The following ZFHX3 variants were observed in gnomAD, a reference collection of about 807,000 sequenced individuals.
The protein encoded by ZFHX3 is zinc finger homeobox protein 3.
Under a neutral mutation model 279.1 loss-of-function variants are expected in ZFHX3, and 42 were observed. The ratio of observed to expected loss-of-function variants is 0.15; its 90% CI spans 0.12 to 0.19. ZFHX3 has a LOEUF of 0.19. ZFHX3 is among the 10% of genes least tolerant of loss of function. ZFHX3 has a pLI of 1.00. For missense variants in ZFHX3, 4,981 were observed against 4,754.0 expected, an observed-to-expected ratio of 1.05 and a Z score of -1.40; for synonymous variants, 2,293 against 1,957.8, an observed-to-expected ratio of 1.17 and a Z score of -4.52.
At chr16:73,145,539 T>C (rs1206496515) in intron 5 of ZFHX3, among the ~76,000 whole-genome samples, 2 of 152,202 alleles carry the variant, frequency 1.3e-5, no homozygotes, top group Admixed American at 6.5e-5. Context: ...TGTTTGATTG[T>C]TGATGGAGAG....
intron 3 of ZFHX3, among the ~76,000 whole-genome samples, chr16:72,916,361 A>T (rs1402187489): frequency 1.3e-5 from 2 of 152,230 alleles, no homozygotes; most frequent in East Asian, 3.8e-4. Flanking sequence ...TGTACTTAAA[A>T]ATGTTGGCCC....
chr16:72,852,729 C>T (rs2037649555), intron 4 of ZFHX3, among the ~76,000 whole-genome samples: 1 of 152,138 alleles, frequency 6.6e-6, no homozygotes, highest in South Asian at 2.1e-4. Context: ...TACTTCTGTT[C>T]TCTGTAATGT....
At chr16:73,687,011 A>AATATATATATATATATATATATAT (rs58565282) in intron 1 of ZFHX3, among the ~76,000 whole-genome samples, 1 of 53,230 alleles carries the variant, frequency 1.9e-5, no homozygotes, top group Non-Finnish European at 3.5e-5. Context: ...TTTGCAGCTA[A>AATATATATATATATATATATATAT]ATATATATAT....
intron 3 of ZFHX3, among the ~76,000 whole-genome samples, chr16:73,320,304 G>A (rs989840121): frequency 2.0e-5 from 3 of 152,120 alleles, no homozygotes; most frequent in African/African-American, 7.2e-5. Context: ...CTTGGCTGTA[G>A]AAAACACAAC....
Position 73,869,755 on chromosome 16 carries a change from A to G in ZFHX3, c.-1608+21896T>C, listed in dbSNP as rs150914919. On this transcript the variant is annotated intron_variant, in intron 1 of 17. Coordinates refer to the ZFHX3 transcript ENST00000641206. The stretch of plus-strand genomic sequence containing the variant: ...CTGTGGAGGTAACAGTATTCATGAT[A>G]CATAAGACTTAGAGAGAAACCAAAA... 5.6e-3 allele frequency among the ~76,000 whole-genome samples: 859 copies of G among 152,354 alleles called. 5 individuals are homozygous for G. The highest frequency in any genetic ancestry group is 0.019 in the African/African-American group (797 of 41,584).
chr16:72,795,894 G>A lies in ZFHX3; in HGVS notation c.6788C>T (p.Ala2263Val). Residue 2263 changes from alanine (A) to valine (V), a missense_variant, in exon 9 of 10, where the codon GCC (alanine) becomes GTC (valine). Physicochemically the swap from Ala to Val is moderately conservative, Grantham distance 64. Transcript: ENST00000268489. ...QLRVLQDFFD[A>V]NAYPKDDEFE... ...TTCATCATCCTTTGGGTAAGCATTGGCATCGAAGAAGTCCTGTAAGACCCT... is the reference window on the plus strand; with the variant it reads ...TTCATCATCCTTTGGGTAAGCATTGACATCGAAGAAGTCCTGTAAGACCCT... The A allele has an allele frequency of 6.2e-7, 1 of 1,614,116 alleles. No homozygotes were observed. Among genetic ancestry groups the A allele is most frequent in the Non-Finnish European group, 8.5e-7 (1 of 1,180,010 alleles).
intron 1 of ZFHX3, among the ~76,000 whole-genome samples, chr16:73,689,008 G>A (rs531332568): frequency 6.6e-6 from 1 of 152,224 alleles, no homozygotes. Flanking sequence ...CTGGTCTTGG[G>A]TATGTCTTTA....
At chr16:73,545,917 G>C (rs1028384456) in intron 2 of ZFHX3, among the ~76,000 whole-genome samples, 2 of 152,114 alleles carry the variant, frequency 1.3e-5, no homozygotes, top group East Asian at 3.9e-4. Flanking sequence ...AAGCAGTTCC[G>C]AGTTCCCAGA....
At chr16:73,762,401 T>C (rs952402938) in intron 1 of ZFHX3, among the ~76,000 whole-genome samples, 1 of 152,210 alleles carries the variant, frequency 6.6e-6, no homozygotes, top group African/African-American at 2.4e-5. Context: ...AGTTCAACCA[T>C]TGTGGAAGAC....
rs138336294 is a variant in ZFHX3 at position 73,130,251 on chromosome 16, A to C, written c.-897+717T>G. ...AATTAAAGTGGAAAATTTTTGGTGG[A>C]GGGAAAAAAAAAAACATCAGGGAAA... On this transcript the variant is annotated intron_variant, in intron 7 of 17. Transcript: ENST00000641206. Among the ~76,000 whole-genome samples, 1,012 of 151,792 alleles carry C rather than the reference A, an allele frequency of 6.7e-3. 14 individuals are homozygous for C. The highest frequency in any genetic ancestry group is 0.023 in the African/African-American group (970 of 41,366).
chr16:73,880,879 T>C (rs2030122576), intron 1 of ZFHX3, among the ~76,000 whole-genome samples: 1 of 152,192 alleles, frequency 6.6e-6, no homozygotes, highest in African/African-American at 2.4e-5. Context: ...ACGACATGTC[T>C]CTGCACCCCT....
chr16:73,574,517 A>T (rs1001106422), intron 2 of ZFHX3, among the ~76,000 whole-genome samples: 2 of 152,190 alleles, frequency 1.3e-5, no homozygotes, highest in Admixed American at 6.5e-5. Context: ...AGGTACTTGT[A>T]CATTTAAAGA....
intron 7 of ZFHX3, among the ~76,000 whole-genome samples, chr16:73,129,896 T>C (rs184735163): frequency 6.6e-6 from 1 of 152,268 alleles, no homozygotes; most frequent in East Asian, 1.9e-4. Context: ...ATATTTTAAA[T>C]ATGGTTTTAA....
At chr16:73,037,551 G>T (rs1440814749) in intron 1 of ZFHX3, among the ~76,000 whole-genome samples, 1 of 152,190 alleles carries the variant, frequency 6.6e-6, no homozygotes, top group Non-Finnish European at 1.5e-5. Flanking sequence ...CCTGGGGCTT[G>T]GAGCTATATT....
chr16:72,883,602 C>G (rs1477579990), intron 4 of ZFHX3, among the ~76,000 whole-genome samples: 1 of 152,234 alleles, frequency 6.6e-6, no homozygotes, highest in African/African-American at 2.4e-5. Flanking sequence ...TTTCATTTAA[C>G]AACATTATGT....
chr16:72,861,092 C>T (rs750263020), intron 4 of ZFHX3, among the ~76,000 whole-genome samples: 6 of 152,162 alleles, frequency 3.9e-5, no homozygotes, highest in African/African-American at 9.7e-5. Context: ...CTCCCTAACC[C>T]GCCATCCACC....
intron 4 of ZFHX3, among the ~76,000 whole-genome samples, chr16:73,261,519 A>T (rs1474990973): frequency 6.6e-6 from 1 of 152,180 alleles, no homozygotes; most frequent in East Asian, 1.9e-4. Flanking sequence ...TAAATATAGC[A>T]TTAATAAAGC....
intron 4 of ZFHX3, among the ~76,000 whole-genome samples, chr16:73,296,817 T>C (rs1468165087): frequency 6.6e-6 from 1 of 151,768 alleles, no homozygotes; most frequent in Middle Eastern, 3.4e-3. Flanking sequence ...GGCCATCTAC[T>C]ATTCAAAGGG....
At chr16:72,829,929 C>A in intron 4 of ZFHX3, 70 bp from the exon 5 acceptor site, 1 of 1,522,268 alleles carries the variant, frequency 6.6e-7, no homozygotes, top group Non-Finnish European at 9.1e-7. Flanking sequence ...GCCTCTGTTG[C>A]AAACAACTGC....
Sources: gnomAD v4.1 joint callset for allele counts (sites outside exome capture counted in the v4.1 genomes callset) on GRCh38, gnomAD v4.1.1 for gene constraint, MANE v1.5 for transcripts, NCBI Gene and HGNC (gene_info 2026-07-23, HGNC 2026-07-21) for gene names.